CDH13: variants seen among roughly 807,000 people sequenced by gnomAD.
The protein encoded by CDH13 is cadherin 13.
In CDH13, 24 loss-of-function variants were observed where a neutral mutation model predicts 63.8. The ratio of observed to expected loss-of-function variants is 0.38; its 90% confidence interval spans 0.27 to 0.53. The LOEUF (loss-of-function observed/expected upper bound fraction) is 0.53. Among genes scored for constraint, CDH13 ranks in the 20% least tolerant of loss-of-function variants. The pLI is 0.85. For missense variants in CDH13, 1,049 were observed against 903.1 expected (o/e 1.16, Z -2.07); for synonymous variants, 503 against 355.3 (o/e 1.42, Z -4.67).
At chr16:83,756,583 G>C (rs890125744) in intron 11 of CDH13, among the ~76,000 whole-genome samples, 2 of 152,144 alleles carry the variant, frequency 1.3e-5, no homozygotes, top group East Asian at 3.8e-4. Flanking sequence ...TTCAGCTACT[G>C]TTAGTGTTAG....
At chr16:82,898,162 A>G (rs2041332721) in intron 2 of CDH13, among the ~76,000 whole-genome samples, 2 of 152,256 alleles carry the variant, frequency 1.3e-5, no homozygotes, top group Non-Finnish European at 2.9e-5. Context: ...ATAATGTTAA[A>G]CGAAACATAT....
chr16:82,836,597 C>A (rs1216438942), intron 1 of CDH13, among the ~76,000 whole-genome samples: 2 of 152,234 alleles, frequency 1.3e-5, no homozygotes, highest in Non-Finnish European at 1.5e-5. Flanking sequence ...TTCAGAAGAG[C>A]ACAGATAAGT....
intron 2 of CDH13, among the ~76,000 whole-genome samples, chr16:82,898,694 T>C (rs2041352709): frequency 6.6e-6 from 1 of 152,174 alleles, no homozygotes; most frequent in South Asian, 2.1e-4. Flanking sequence ...TGGGCCTTGA[T>C]GAGAGCACTA....
chr16:83,358,862 C>T (rs1405674664), intron 6 of CDH13, among the ~76,000 whole-genome samples: 1 of 152,158 alleles, frequency 6.6e-6, no homozygotes, highest in African/African-American at 2.4e-5. Flanking sequence ...AAAAACCCCA[C>T]TGCCTTATGA....
rs550841961 is a variant in CDH13 at position 83,052,470 on chromosome 16, C to G, written c.366+20252C>G. On this transcript the variant is annotated intron_variant, in intron 3 of 13. Transcript: ENST00000567109. Reference sequence around the variant, plus strand: ...AACATTTAAGAACATTTAGAAAAGCCAAAATGGAACTTTCAGAAATAAAAC... The same window carrying G: ...AACATTTAAGAACATTTAGAAAAGCGAAAATGGAACTTTCAGAAATAAAAC... 6.6e-5 allele frequency among the ~76,000 whole-genome samples: 10 copies of G among 152,104 alleles called. No homozygotes were observed. In the South Asian group the frequency reaches 2.1e-3, roughly 32 times the overall value.
intron 5 of CDH13, among the ~76,000 whole-genome samples, chr16:83,334,359 T>TCA (rs755860994): frequency 1.9e-4 from 17 of 88,556 alleles, no homozygotes; most frequent in South Asian, 1.7e-3. Flanking sequence ...TCTCTCTCTC[T>TCA]CTCACACACA....
chr16:83,780,223 C>T (rs1366885086), intron 12 of CDH13, 22 bp downstream of exon 12: 2 of 1,444,000 alleles, frequency 1.4e-6, no homozygotes, highest in Admixed American at 1.9e-5. Context: ...TAAAGCATTT[C>T]TGCCTATTCT....
intron 2 of CDH13, among the ~76,000 whole-genome samples, chr16:83,030,640 TAAAAAAA>T (rs35207887): frequency 3.2e-5 from 3 of 92,916 alleles, no homozygotes; most frequent in African/African-American, 4.5e-5. Context: ...AAGACTCTGT[TAAAAAAA>T]AAAAAAAAAA....
intron 10 of CDH13, among the ~76,000 whole-genome samples, chr16:83,719,765 C>T (rs984236302): frequency 1.3e-5 from 2 of 152,138 alleles, no homozygotes; most frequent in South Asian, 2.1e-4. Context: ...ATTCCTTAAG[C>T]CCCTGAGTAC....
chr16:82,907,714 C>T (rs2041695415), intron 2 of CDH13, among the ~76,000 whole-genome samples: 2 of 152,136 alleles, frequency 1.3e-5, no homozygotes, highest in Admixed American at 6.5e-5. Context: ...ACTTTTGAGT[C>T]AAGTGTGTGA....
chr16:82,878,254 G>A (rs937720383), intron 2 of CDH13, among the ~76,000 whole-genome samples: 3 of 151,784 alleles, frequency 2.0e-5, no homozygotes, highest in African/African-American at 7.3e-5. Flanking sequence ...TCTACCCAAG[G>A]CTTACAGTAA....
chr16:82,641,652 T>C (rs1005314060), intron 1 of CDH13, among the ~76,000 whole-genome samples: 2 of 152,200 alleles, frequency 1.3e-5, no homozygotes, highest in African/African-American at 4.8e-5. Flanking sequence ...ATGGATGTTT[T>C]AGGGACAGGA....
chr16:82,781,587 T>C (rs1351415756), intron 1 of CDH13, among the ~76,000 whole-genome samples: 4 of 152,212 alleles, frequency 2.6e-5, no homozygotes, highest in South Asian at 2.1e-4. Context: ...TACCCACTTA[T>C]TCACCAATCC....
rs572245643 is a variant in CDH13, at chr16:83,750,920, C to T, written c.1681+2670C>T. 2.7e-4 allele frequency among the ~76,000 whole-genome samples: 41 copies of T among 151,426 alleles called. No individual in the cohort carries two copies. The South Asian group carries it at 7.3e-3, about 27-fold the overall frequency. ...AATGCAAGATTTAATGGAGTCATTA[C>T]CTATAAAGCATTTGGAACAGTACCT... On this transcript the variant is annotated intron_variant, in intron 11 of 13. Coordinates refer to ENST00000567109, the MANE Select transcript of CDH13 (RefSeq NM_001257.5).
chr16:82,674,313 G>A (rs951448324), intron 1 of CDH13, among the ~76,000 whole-genome samples: 2 of 152,174 alleles, frequency 1.3e-5, no homozygotes, highest in East Asian at 3.8e-4. Flanking sequence ...CTTTCTTCAG[G>A]TCAGACTAGA....
In CDH13 at chr16:82,693,985, G is replaced by T. The variant is rs2029946871; in HGVS notation, c.45+66848G>T. Among the ~76,000 whole-genome samples the T allele has an allele frequency of 2.0e-5, 3 of 152,246 alleles. No homozygotes were observed. In the South Asian group the frequency reaches 6.2e-4, roughly 32 times the overall value. ...ATGTCATTTATTTGCTGCGTACATG[G>T]TCCTGGGCAAGTAATTGAAACAAAC... On this transcript the variant is annotated intron_variant, in intron 1 of 13. Coordinates refer to ENST00000567109, the MANE Select transcript of CDH13 (RefSeq NM_001257.5).
At chr16:83,098,333 C>G (rs543548107) in intron 3 of CDH13, among the ~76,000 whole-genome samples, 6 of 152,294 alleles carry the variant, frequency 3.9e-5, no homozygotes, top group African/African-American at 1.4e-4. Flanking sequence ...TTTAGTTGCT[C>G]ATAGGTTGTA....
At chr16:82,738,223 T>TA (rs1291952201) in intron 1 of CDH13, among the ~76,000 whole-genome samples, 3 of 151,996 alleles carry the variant, frequency 2.0e-5, no homozygotes, top group Non-Finnish European at 2.9e-5. Flanking sequence ...GAAATAGCAA[T>TA]AAAAAAAATC....
chr16:82,674,073 C>G (rs1392790966), intron 1 of CDH13, among the ~76,000 whole-genome samples: 2 of 152,170 alleles, frequency 1.3e-5, no homozygotes, highest in African/African-American at 4.8e-5. Context: ...TGTTTTTCTT[C>G]CCATTTAAGA....
Sources: gnomAD v4.1 joint callset for allele counts (sites outside exome capture counted in the v4.1 genomes callset) on GRCh38, gnomAD v4.1.1 for gene constraint, MANE v1.5 for transcripts, NCBI Gene and HGNC (gene_info 2026-07-23, HGNC 2026-07-21) for gene names.